The following NELL2 variants were observed in gnomAD, a reference collection of about 807,000 sequenced individuals.
The protein encoded by NELL2 is neural EGFL like 2.
NELL2 carries 41 observed loss-of-function variants against 109.6 expected under a neutral mutation model. The observed-to-expected ratio is 0.37, with a 90% CI of 0.29 to 0.49. NELL2 has a LOEUF of 0.49. Among genes scored for constraint, NELL2 ranks in the 20% least tolerant of loss-of-function variants. The probability of loss-of-function intolerance (pLI) is 0.98; values close to 1 mark genes in which losing one functional copy is unlikely to be tolerated. For missense variants in NELL2, 900 were observed against 1,008.3 expected (o/e 0.89, Z 1.45); for synonymous variants, 355 against 344.7 (o/e 1.03, Z -0.33).
intron 2 of NELL2, among the ~76,000 whole-genome samples, chr12:44,851,440 T>C (rs1473568217): frequency 1.3e-5 from 2 of 152,188 alleles, no homozygotes; most frequent in African/African-American, 4.8e-5. Context: ...TTGGACTCTT[T>C]GTTTATGATT....
chr12:44,641,202 T>C (rs555540059), intron 13 of NELL2, among the ~76,000 whole-genome samples: 53 of 152,332 alleles, frequency 3.5e-4, no homozygotes, highest in African/African-American at 1.2e-3. Flanking sequence ...AATCTGTACG[T>C]ACATAATACA....
chr12:44,764,733 G>A (rs956906901), intron 9 of NELL2, among the ~76,000 whole-genome samples: 8 of 152,004 alleles, frequency 5.3e-5, no homozygotes, highest in Admixed American at 2.6e-4. Context: ...CTGTAAATTG[G>A]GAGCCATTAT....
intron 13 of NELL2, among the ~76,000 whole-genome samples, chr12:44,625,556 A>G (rs1371556094): frequency 6.6e-6 from 1 of 152,034 alleles, no homozygotes; most frequent in Non-Finnish European, 1.5e-5. Flanking sequence ...TTAGTACTTC[A>G]TCTGTGTTTA....
chr12:44,600,403 CAAAT>C (rs1296475299), intron 15 of NELL2, among the ~76,000 whole-genome samples: 1 of 151,598 alleles, frequency 6.6e-6, no homozygotes, highest in Non-Finnish European at 1.5e-5. Flanking sequence ...AGAAATGAAA[CAAAT>C]AAGGGAGGAA....
At chr12:44,849,578 G>A (rs993274229) in intron 2 of NELL2, among the ~76,000 whole-genome samples, 1 of 152,108 alleles carries the variant, frequency 6.6e-6, no homozygotes, top group African/African-American at 2.4e-5. Flanking sequence ...AATCACTTAG[G>A]TGAACTGTTT....
At chr12:44,750,333 T>C (rs1940596562) in intron 9 of NELL2, among the ~76,000 whole-genome samples, 1 of 152,172 alleles carries the variant, frequency 6.6e-6, no homozygotes, top group East Asian at 1.9e-4. Context: ...TAAAATTACA[T>C]GTTAGGACAA....
At chr12:44,599,726 A>G (rs533025586) in intron 15 of NELL2, among the ~76,000 whole-genome samples, 4 of 152,324 alleles carry the variant, frequency 2.6e-5, no homozygotes, top group African/African-American at 9.6e-5. Context: ...AGTCGTCTAA[A>G]GGAGTCCCTA....
chr12:44,876,835 G>A (rs1945342275), upstream of NELL2: 1 of 1,324,426 alleles, frequency 7.6e-7, no homozygotes, highest in African/African-American at 1.5e-5. Context: ...GGTGGAGCTG[G>A]GCAAAGTAGG....
rs78226418 is a variant in NELL2 at position 44,789,630 on chromosome 12, G to T, written c.336-9608C>A. Among the ~76,000 whole-genome samples the T allele has an allele frequency of 4.8e-4, 73 of 152,028 alleles. 2 individuals carry two copies. The East Asian group carries it at 0.012, about 25-fold the overall frequency. Reference sequence around the variant, plus strand: ...GGATCCAAACCAAGAAGAAATCCCTGATTTACCTGAAAAAGAATTCAGGTG... The same window carrying T: ...GGATCCAAACCAAGAAGAAATCCCTTATTTACCTGAAAAAGAATTCAGGTG... On this transcript the variant is annotated intron_variant, in intron 3 of 19. Transcript: ENST00000429094.
chr12:44,515,046 A>G (rs917387523), intron 19 of NELL2, among the ~76,000 whole-genome samples: 1 of 151,720 alleles, frequency 6.6e-6, no homozygotes, highest in African/African-American at 2.4e-5. Flanking sequence ...AATGTTATTA[A>G]AGAAAAAGAA....
intron 3 of NELL2, among the ~76,000 whole-genome samples, chr12:44,785,827 G>C (rs1409128955): frequency 1.3e-5 from 2 of 151,918 alleles, no homozygotes. Context: ...GCTAGCCATA[G>C]GCAGAAAACT....
At chr12:44,677,564 A>G (rs767562646) in intron 12 of NELL2, among the ~76,000 whole-genome samples, 1 of 152,098 alleles carries the variant, frequency 6.6e-6, no homozygotes, top group Non-Finnish European at 1.5e-5. Flanking sequence ...AGATGTTATT[A>G]TTGCTAAACA....
At chr12:44,555,323 G>A (rs1309215793) in intron 15 of NELL2, among the ~76,000 whole-genome samples, 1 of 152,104 alleles carries the variant, frequency 6.6e-6, no homozygotes, top group East Asian at 1.9e-4. Flanking sequence ...ATAAGTAACT[G>A]GTTTTATAGC....
chr12:44,798,083 G>T (rs200923550), intron 3 of NELL2, among the ~76,000 whole-genome samples: 23 of 120,594 alleles, frequency 1.9e-4, no homozygotes, highest in East Asian at 1.7e-3. Flanking sequence ...TGGAATAAAA[G>T]CATTCCATCC....
intron 9 of NELL2, among the ~76,000 whole-genome samples, chr12:44,732,938 T>C (rs1344403030): frequency 6.6e-6 from 1 of 151,992 alleles, no homozygotes; most frequent in Admixed American, 6.6e-5. Flanking sequence ...CCAATAGGTA[T>C]ATGAATAGAT....
At chr12:44,836,946 C>T (rs1944071389) in intron 2 of NELL2, among the ~76,000 whole-genome samples, 2 of 152,140 alleles carry the variant, frequency 1.3e-5, no homozygotes, top group African/African-American at 4.8e-5. Flanking sequence ...ATAGATGCTG[C>T]TGTCCCTAGG....
upstream of NELL2, among the ~76,000 whole-genome samples, chr12:44,915,866 G>A (rs972615709): frequency 2.6e-5 from 4 of 152,032 alleles, no homozygotes; most frequent in Non-Finnish European, 5.9e-5. Flanking sequence ...TGAAGTTGTC[G>A]ACCCACTGTA....
At chr12:44,519,780 G>T (rs920678452) in intron 19 of NELL2, among the ~76,000 whole-genome samples, 2 of 151,982 alleles carry the variant, frequency 1.3e-5, no homozygotes, top group African/African-American at 2.4e-5. Flanking sequence ...ATAAATAACG[G>T]ATCATTCTGG....
rs532342301 is a variant in NELL2, at chr12:44,595,512, C to T, written c.1663+11657G>A. Among the ~76,000 whole-genome samples, 293 of 151,842 alleles carry T rather than the reference C, an allele frequency of 1.9e-3. 4 individuals are homozygous for T. The highest frequency in any genetic ancestry group is 6.6e-3 in the African/African-American group (275 of 41,464). ...TGCGAACTCGGCTCACTGCAAGCTC[C>T]GCCTCCCGGCTTCATGCCATTCTCC... is the stretch of plus-strand genomic sequence containing the variant. On this transcript the variant is annotated intron_variant, in intron 15 of 19. Transcript: ENST00000429094.
Sources: allele counts gnomAD v4.1 joint callset (sites outside exome capture counted in the v4.1 genomes callset), GRCh38; gene constraint gnomAD v4.1.1; transcripts MANE v1.5; gene names NCBI Gene and HGNC (gene_info 2026-07-23, HGNC 2026-07-21).